AGBL2: variants seen among roughly 807,000 people sequenced by gnomAD.
AGBL2 encodes the protein AGBL carboxypeptidase 2.
AGBL2 carries 87 observed loss-of-function variants against 103.0 expected under a neutral mutation model. The observed-to-expected ratio is 0.84, with a 90% CI of 0.71 to 1.01. The LOEUF is 1.01. Ranked by LOEUF, AGBL2 falls within the 50% of genes least tolerant of loss-of-function variation. The pLI, the probability that AGBL2 is intolerant of heterozygous loss-of-function variation, is 0.00. For missense variants in AGBL2, 904 were observed against 1,023.5 expected (o/e 0.88, Z 1.59); for synonymous variants, 335 against 356.7 (o/e 0.94, Z 0.69).
At chr11:47,676,032 T>C (rs1054650004) in intron 14 of AGBL2, among the ~76,000 whole-genome samples, 9 of 151,974 alleles carry the variant, frequency 5.9e-5, no homozygotes, top group African/African-American at 2.2e-4. Context: ...TATCCAATGA[T>C]GACTCTCTCA....
chr11:47,662,678 G>C (rs1437374587), intron 18 of AGBL2, among the ~76,000 whole-genome samples: 2 of 151,990 alleles, frequency 1.3e-5, no homozygotes, highest in African/African-American at 2.4e-5. Context: ...TTTTTTAATA[G>C]AGATGGGGTT....
intron 18 of AGBL2, among the ~76,000 whole-genome samples, chr11:47,662,262 C>T (rs1441994246): frequency 2.6e-5 from 4 of 152,074 alleles, no homozygotes; most frequent in Non-Finnish European, 1.5e-5. Context: ...CAAACTCTGC[C>T]TCCTGGGTTC....
At chr11:47,676,845 C>T (rs1228201847) in intron 14 of AGBL2, among the ~76,000 whole-genome samples, 2 of 149,130 alleles carry the variant, frequency 1.3e-5, no homozygotes, top group Non-Finnish European at 3.0e-5. Flanking sequence ...GAAACTAAAA[C>T]CTGTCAAACC....
At chr11:47,701,158 A>C (rs1211337701) in intron 7 of AGBL2, among the ~76,000 whole-genome samples, 1 of 151,960 alleles carries the variant, frequency 6.6e-6, no homozygotes, top group Non-Finnish European at 1.5e-5. Context: ...TTTTTTTAAA[A>C]ATTGCTTTAT....
intron 8 of AGBL2, among the ~76,000 whole-genome samples, chr11:47,698,966 C>CAAAAAA (rs5791781): frequency 3.4e-5 from 4 of 117,558 alleles, no homozygotes; most frequent in Admixed American, 8.4e-5. Flanking sequence ...GTAGGAATGG[C>CAAAAAA]AAAAAAAAAA....
chr11:47,706,879 T>A, intron 4 of AGBL2, among the ~76,000 whole-genome samples: 1 of 117,672 alleles, frequency 8.5e-6, no homozygotes, highest in Non-Finnish European at 1.7e-5. Context: ...TGAAACCCTG[T>A]CTCTACTATT....
rs374892538 is a variant in AGBL2 at position 47,677,864 on chromosome 11, C to T, written c.2017-463G>A. ...ACCCCTGCTAGTAAGGACATGTTAACAGAAAATTACATGAGCGGGAGGAAC... is the reference window on the plus strand; with the variant it reads ...ACCCCTGCTAGTAAGGACATGTTAATAGAAAATTACATGAGCGGGAGGAAC... On this transcript the variant is annotated intron_variant, in intron 13 of 18. Transcript: ENST00000525123. Among the ~76,000 whole-genome samples the T allele has an allele frequency of 9.2e-5, 14 of 152,252 alleles. No individual in the cohort carries two copies. In the East Asian group the frequency reaches 1.9e-3, roughly 21 times the overall value.
At chr11:47,694,291 C>T (rs968007008) in intron 8 of AGBL2, among the ~76,000 whole-genome samples, 2 of 151,918 alleles carry the variant, frequency 1.3e-5, no homozygotes, top group African/African-American at 4.8e-5. Context: ...GTGAGGCACT[C>T]CTCAACACTA....
rs760207684 is a variant in AGBL2, at chr11:47,682,102, A to G, written c.1789-7T>C. 1.2e-6 allele frequency: 2 copies of G among 1,611,916 alleles called. No homozygotes were observed. Among genetic ancestry groups the G allele is most frequent in the East Asian group, 4.5e-5 (2 of 44,854 alleles). ...TACAACTGTGAAAAGAGAACTAAAA[A>G]GAAATCCAAATTTTCTGTTAATCAT... On this transcript the variant is annotated splice_polypyrimidine_tract_variant and splice_region_variant and intron_variant, in intron 11 of 18. Coordinates refer to ENST00000525123, the MANE Select transcript of AGBL2 (RefSeq NM_024783.4).
At chr11:47,699,202 A>G (rs1435229210) in intron 8 of AGBL2, among the ~76,000 whole-genome samples, 3 of 152,220 alleles carry the variant, frequency 2.0e-5, no homozygotes, top group African/African-American at 7.2e-5. Context: ...AGGAAGGAGA[A>G]TAACAAGAGA....
rs184123941 is a variant in AGBL2, at chr11:47,705,507, G to A, written c.400+14C>T. On this transcript the variant is annotated intron_variant, in intron 6 of 18. Coordinates refer to ENST00000525123, the MANE Select transcript of AGBL2 (RefSeq NM_024783.4). ...CTAAAAACATAAAAATTAGCTGGGC[G>A]TGGTGGCACATGCCTGTAATCCCAG... 34 of 323,174 alleles carry A rather than the reference G, an allele frequency of 1.1e-4. No homozygotes were observed. The highest frequency in any genetic ancestry group is 6.1e-4 in the Admixed American group (14 of 22,768). 20.0% of individuals were successfully genotyped at this position (323,174 alleles called of 1,614,324 possible). A position where few individuals can be genotyped will look rare whatever the true frequency, so the allele number is the denominator to read the frequency against.
At chr11:47,685,775 C>T (rs1461440021) in intron 11 of AGBL2, 118 bp downstream of exon 11, 13 of 1,170,670 alleles carry the variant, frequency 1.1e-5, no homozygotes, top group South Asian at 1.1e-4. Flanking sequence ...CTAGGTTGCT[C>T]GGATTTACCA....
At chr11:47,707,573 C>T (rs919669053) in intron 4 of AGBL2, among the ~76,000 whole-genome samples, 6 of 152,136 alleles carry the variant, frequency 3.9e-5, no homozygotes, top group African/African-American at 1.4e-4. Flanking sequence ...ATTCAATTAC[C>T]TCCCACCAGG....
chr11:47,699,278 T>A (rs1255737772), intron 8 of AGBL2, among the ~76,000 whole-genome samples, 168 bp downstream of exon 8: 2 of 152,134 alleles, frequency 1.3e-5, no homozygotes, highest in East Asian at 3.8e-4. Context: ...ATTATCGAAA[T>A]TTTGCAGCAG....
intron 8 of AGBL2, among the ~76,000 whole-genome samples, chr11:47,696,336 C>T (rs531017623): frequency 1.3e-5 from 2 of 152,108 alleles, no homozygotes; most frequent in East Asian, 1.9e-4. Flanking sequence ...GATCTTGCCT[C>T]ACTGCAACCT....
chr11:47,687,118 T>G lies in AGBL2; in HGVS notation c.1632-1069A>C, dbSNP rs2097426965. 2.2e-5 allele frequency among the ~76,000 whole-genome samples: 3 copies of G among 137,158 alleles called. No individual in the cohort carries two copies. The South Asian group carries it at 8.0e-4, about 37-fold the overall frequency. 90.0% of individuals were successfully genotyped at this position (137,158 alleles called of 152,430 possible). On this transcript the variant is annotated intron_variant, in intron 10 of 18. Coordinates refer to ENST00000525123, the MANE Select transcript of AGBL2 (RefSeq NM_024783.4). ...CATTGTGCACATGTACCCTGAAACTTAAAGTATAATAATAATAAAAAAATA... is the reference window on the plus strand; with the variant it reads ...CATTGTGCACATGTACCCTGAAACTGAAAGTATAATAATAATAAAAAAATA...
At chr11:47,705,975 T>C (rs757522753) in intron 4 of AGBL2, 58 bp from the exon 5 acceptor site, 4 of 1,409,732 alleles carry the variant, frequency 2.8e-6, no homozygotes, top group Non-Finnish European at 4.0e-6. Flanking sequence ...TCTTTTCTTC[T>C]GTCTGCTATC....
intron 8 of AGBL2, among the ~76,000 whole-genome samples, chr11:47,698,398 C>T (rs1237776524): frequency 3.3e-5 from 5 of 151,832 alleles, no homozygotes; most frequent in African/African-American, 1.2e-4. Flanking sequence ...TCTGGAACTC[C>T]CAACCTCAGG....
In AGBL2 at chr11:47,713,218, C is replaced by G. The variant is rs183266271; in HGVS notation, c.97+1066G>C. Among the ~76,000 whole-genome samples the G allele has an allele frequency of 4.7e-3, 717 of 151,984 alleles. 6 individuals carry two copies. The highest frequency in any genetic ancestry group is 7.5e-3 in the Non-Finnish European group (507 of 67,994). On this transcript the variant is annotated intron_variant, in intron 3 of 18. Transcript: ENST00000525123. ...AATTAGCTGGGAGTGGTGGTGGGCGCCTGTAATCCCAGCTACTTGGGAGGC... is the reference window on the plus strand; with the variant it reads ...AATTAGCTGGGAGTGGTGGTGGGCGGCTGTAATCCCAGCTACTTGGGAGGC...
Sources: gnomAD v4.1 joint callset for allele counts (sites outside exome capture counted in the v4.1 genomes callset) on GRCh38, gnomAD v4.1.1 for gene constraint, MANE v1.5 for transcripts, NCBI Gene and HGNC (gene_info 2026-07-23, HGNC 2026-07-21) for gene names.